Variants in SCHIP1 observed in about 807,000 individuals in gnomAD.
The protein encoded by SCHIP1 is schwannomin-interacting protein 1.
Under a neutral mutation model 29.7 loss-of-function variants are expected in SCHIP1, and 8 were observed. That is an observed-to-expected ratio of 0.27 (90% CI 0.16 to 0.49). The LOEUF is 0.49. SCHIP1 is among the 20% of genes least tolerant of loss of function. The pLI, the probability that SCHIP1 is intolerant of heterozygous loss-of-function variation, is 0.99. For missense variants in SCHIP1, 193 were observed against 294.6 expected, an observed-to-expected ratio of 0.66 and a Z score of 2.52; for synonymous variants, 76 against 94.9, an observed-to-expected ratio of 0.80 and a Z score of 1.16.
At chr3:159,590,671 T>C in the SCHIP1 span, among the ~76,000 whole-genome samples, 2 of 152,254 alleles carry the variant, frequency 1.3e-5, no homozygotes, top group African/African-American at 4.8e-5. Flanking sequence ...CTGTGTAGCC[T>C]TTTCAGCTGC....
At chr3:159,476,751 G>A in the SCHIP1 span, among the ~76,000 whole-genome samples, 8 of 152,216 alleles carry the variant, frequency 5.3e-5, no homozygotes, top group South Asian at 2.1e-4. Context: ...TACATACAAT[G>A]TGGAATAAAA....
At chr3:159,570,527 A>T in the SCHIP1 span, among the ~76,000 whole-genome samples, 44 of 152,304 alleles carry the variant, frequency 2.9e-4, no homozygotes, top group African/African-American at 9.4e-4. Context: ...TACCAGTGCC[A>T]TGCCGTTTTG....
At chr3:159,702,627 GA>G in the SCHIP1 span, among the ~76,000 whole-genome samples, 19 of 152,158 alleles carry the variant, frequency 1.2e-4, no homozygotes, top group Admixed American at 7.2e-4. Flanking sequence ...ATTCTGTAAA[GA>G]AAAAATGCGC....
chr3:159,417,435 AC>A, the SCHIP1 span, among the ~76,000 whole-genome samples: 2 of 152,240 alleles, frequency 1.3e-5, no homozygotes, highest in South Asian at 4.1e-4. Flanking sequence ...TACGAATTAT[AC>A]AGTCTTGGAG....
chr3:159,655,621 G>A, the SCHIP1 span, among the ~76,000 whole-genome samples: 2 of 152,296 alleles, frequency 1.3e-5, no homozygotes, highest in African/African-American at 4.8e-5. Flanking sequence ...CGAGCGTGGT[G>A]GCTCACACCT....
the SCHIP1 span, among the ~76,000 whole-genome samples, chr3:159,789,694 A>G: frequency 2.6e-5 from 4 of 152,240 alleles, no homozygotes; most frequent in Non-Finnish European, 2.9e-5. Flanking sequence ...TTTGAGAATG[A>G]TAAGATTACA....
the SCHIP1 span, among the ~76,000 whole-genome samples, chr3:159,412,664 G>A: frequency 6.6e-6 from 1 of 152,146 alleles, no homozygotes; most frequent in African/African-American, 2.4e-5. Flanking sequence ...GGGGCTATGT[G>A]GAGCAAGTTT....
At chr3:159,567,262 A>G in the SCHIP1 span, among the ~76,000 whole-genome samples, 1 of 152,162 alleles carries the variant, frequency 6.6e-6, no homozygotes, top group Admixed American at 6.5e-5. Context: ...TGTTAAACAC[A>G]CTATTCTTCA....
chr3:159,855,449 T>C (rs1338990476), intron 1 of SCHIP1, among the ~76,000 whole-genome samples: 1 of 152,154 alleles, frequency 6.6e-6, no homozygotes, highest in East Asian at 1.9e-4. Flanking sequence ...AAGTAGAAAA[T>C]TAAATTAGAT....
chr3:159,510,816 C>T, the SCHIP1 span, among the ~76,000 whole-genome samples: 5 of 152,254 alleles, frequency 3.3e-5, no homozygotes, highest in African/African-American at 7.2e-5. Context: ...GCTGGCTGAT[C>T]GTTCCTCTGG....
the SCHIP1 span, among the ~76,000 whole-genome samples, chr3:159,637,068 TG>T: frequency 6.6e-6 from 1 of 152,206 alleles, no homozygotes; most frequent in Non-Finnish European, 1.5e-5. Flanking sequence ...AGCAACTGAC[TG>T]GTTTATTTAA....
the SCHIP1 span, chr3:159,401,284 G>C: frequency 1.2e-6 from 1 of 867,282 alleles, no homozygotes; most frequent in East Asian, 1.2e-4. Context: ...CTTGCATTTA[G>C]TGGTGAGGGG....
chr3:159,379,621 T>C, the SCHIP1 span, among the ~76,000 whole-genome samples: 2 of 150,256 alleles, frequency 1.3e-5, no homozygotes, highest in South Asian at 4.2e-4. Flanking sequence ...TAATCACCCC[T>C]ATTAGTGTGC....
the SCHIP1 span, among the ~76,000 whole-genome samples, chr3:159,800,288 G>A: frequency 6.6e-6 from 1 of 152,142 alleles, no homozygotes. Context: ...GTGTAATTGA[G>A]CAGTTATTAC....
At chr3:159,294,459 A>G in the SCHIP1 span, among the ~76,000 whole-genome samples, 5 of 152,290 alleles carry the variant, frequency 3.3e-5, no homozygotes, top group South Asian at 4.1e-4. Context: ...ACTTAAGAAT[A>G]TGAGTATTTA....
the SCHIP1 span, among the ~76,000 whole-genome samples, chr3:159,420,782 G>A: frequency 2.6e-5 from 4 of 152,160 alleles, no homozygotes; most frequent in East Asian, 3.8e-4. Flanking sequence ...GAAGCTAGTC[G>A]ATTTATTTGG....
At chr3:159,527,734 T>G in the SCHIP1 span, among the ~76,000 whole-genome samples, 2 of 152,016 alleles carry the variant, frequency 1.3e-5, no homozygotes, top group Non-Finnish European at 2.9e-5. Flanking sequence ...GCATTTGGAG[T>G]AGTTTTTTTG....
the SCHIP1 span, among the ~76,000 whole-genome samples, chr3:159,336,656 A>T: frequency 6.6e-6 from 1 of 151,990 alleles, no homozygotes; most frequent in Admixed American, 6.6e-5. Context: ...ATGGTTGTAG[A>T]CGTGTGGTAT....
the SCHIP1 span, among the ~76,000 whole-genome samples, chr3:159,481,934 T>C: frequency 4.6e-5 from 7 of 152,064 alleles, no homozygotes; most frequent in African/African-American, 1.7e-4. Context: ...TGTGGGGTGA[T>C]TAGAAAAATA....
Sources: gnomAD v4.1 joint callset for allele counts (sites outside exome capture counted in the v4.1 genomes callset) on GRCh38, gnomAD v4.1.1 for gene constraint, MANE v1.5 for transcripts, NCBI Gene and HGNC (gene_info 2026-07-23, HGNC 2026-07-21) for gene names.